The following PRTFDC1 variants were observed in gnomAD, a reference collection of about 807,000 sequenced individuals.
PRTFDC1 encodes phosphoribosyl transferase domain containing 1.
Under a neutral mutation model 34.6 loss-of-function variants are expected in PRTFDC1, and 38 were observed. The observed-to-expected ratio is 1.10, with a 90% CI of 0.85 to 1.44. PRTFDC1 has a LOEUF of 1.44. Among genes scored for constraint, PRTFDC1 ranks in the 40% most tolerant of loss-of-function variants. The pLI is 0.00. For synonymous variants in PRTFDC1, 93 were observed against 98.1 expected, an observed-to-expected ratio of 0.95 and a Z score of 0.31; for missense variants, 270 against 283.0, an observed-to-expected ratio of 0.95 and a Z score of 0.33.
In PRTFDC1 at chr10:24,912,268, CAAAAAAAAAAAA is replaced by C. The variant is rs58294462; in HGVS notation, c.339+24904_339+24915del. ...TGGGCAACAGAGCAAGACTTCATCT[CAAAAAAAAAAAA>C]AAAAAAAAAAAAAAAGAAAGAAATT... On this transcript the variant is annotated intron_variant, in intron 3 of 8. Transcript: ENST00000320152. 4.1e-4 allele frequency among the ~76,000 whole-genome samples: 22 copies of C among 53,946 alleles called. No individual in the cohort carries two copies. The East Asian group carries it at 9.2e-3, about 23-fold the overall frequency. The allele number at this position is 53,946 out of a possible 152,430, so 35.4% of individuals were successfully genotyped here.
At position 24,849,626 on chromosome 10, in the gene PRTFDC1, T is replaced by A. The variant is rs1167825680; in HGVS notation, c.*218A>T. 2.0e-6 allele frequency: 1 copy of A among 505,602 alleles called. No individual in the cohort carries two copies. Among genetic ancestry groups the A allele is most frequent in the Non-Finnish European group, 3.5e-6 (1 of 284,004 alleles). 31.3% of individuals were successfully genotyped at this position (505,602 alleles called of 1,614,324 possible). ...TGAGTCACAAGGCGGAGTGTTTAAT[T>A]TGGAACAAGTCAAATAAAAGCACTG... On this transcript the variant is annotated 3_prime_UTR_variant, in exon 9 of 9. Transcript: ENST00000320152.
rs1418561894 is a variant in PRTFDC1, at chr10:24,849,810, C to T, written c.*34G>A. The T allele has an allele frequency of 1.9e-6, 3 of 1,607,316 alleles. No individual in the cohort carries two copies. The highest frequency in any genetic ancestry group is 2.6e-6 in the Non-Finnish European group (3 of 1,174,102). On this transcript the variant is annotated 3_prime_UTR_variant, in exon 9 of 9. Coordinates refer to ENST00000320152, the MANE Select transcript of PRTFDC1 (RefSeq NM_020200.7). ...CCCAAGTACAGGCGTAAATATGATGCTATCTGGGACTTTAGTGGTGAGAAT... is the reference window on the plus strand; with the variant it reads ...CCCAAGTACAGGCGTAAATATGATGTTATCTGGGACTTTAGTGGTGAGAAT...
chr10:24,914,130 T>G (rs1270082795), intron 3 of PRTFDC1, among the ~76,000 whole-genome samples: 1 of 152,154 alleles, frequency 6.6e-6, no homozygotes, highest in African/African-American at 2.4e-5. Context: ...TAATAAATCA[T>G]AGAACCAAGA....
chr10:24,915,908 C>T (rs978503923), intron 3 of PRTFDC1, among the ~76,000 whole-genome samples: 7 of 152,176 alleles, frequency 4.6e-5, no homozygotes, highest in African/African-American at 1.2e-4. Context: ...ACATTGACCA[C>T]GTTTAAACAA....
chr10:24,893,272 T>TC (rs1555048500), intron 3 of PRTFDC1, among the ~76,000 whole-genome samples: 1 of 91,418 alleles, frequency 1.1e-5, no homozygotes, highest in Non-Finnish European at 2.3e-5. Flanking sequence ...CTCTCTCTCT[T>TC]TCTCTCTCTC....
chr10:24,898,917 A>G (rs999983195), intron 3 of PRTFDC1, among the ~76,000 whole-genome samples: 10 of 152,092 alleles, frequency 6.6e-5, no homozygotes, highest in African/African-American at 2.4e-4. Flanking sequence ...TCTTTCCCTT[A>G]TAAAAGAGTC....
At chr10:24,860,415 AC>A (rs1212065708) in intron 4 of PRTFDC1, among the ~76,000 whole-genome samples, 2 of 152,090 alleles carry the variant, frequency 1.3e-5, no homozygotes, top group Non-Finnish European at 2.9e-5. Context: ...CAAATACTAC[AC>A]ATTCGATAAC....
At chr10:24,911,918 A>C (rs1175942790) in intron 3 of PRTFDC1, among the ~76,000 whole-genome samples, 1 of 152,012 alleles carries the variant, frequency 6.6e-6, no homozygotes, top group African/African-American at 2.4e-5. Context: ...TTTCATTTGG[A>C]TAAATACATA....
chr10:24,862,669 G>GA (rs1847701234), intron 4 of PRTFDC1, among the ~76,000 whole-genome samples: 2 of 150,766 alleles, frequency 1.3e-5, no homozygotes, highest in African/African-American at 4.9e-5. Context: ...AGAGACTGTG[G>GA]TTTTTTTTTG....
intron 1 of PRTFDC1, among the ~76,000 whole-genome samples, chr10:24,944,212 A>C (rs2132618217): frequency 6.6e-6 from 1 of 152,252 alleles, no homozygotes; most frequent in African/African-American, 2.4e-5. Flanking sequence ...GTCTTACCCA[A>C]GGCTCCCATG....
intron 1 of PRTFDC1, among the ~76,000 whole-genome samples, chr10:24,950,119 A>G (rs73606599): frequency 0.047 from 7,144 of 152,120 alleles, 374 homozygotes; most frequent in African/African-American, 0.14. Flanking sequence ...GTTGACACCA[A>G]TAGACTGGGC....
At chr10:24,889,623 C>T (rs1470654278) in intron 3 of PRTFDC1, among the ~76,000 whole-genome samples, 1 of 152,174 alleles carries the variant, frequency 6.6e-6, no homozygotes, top group African/African-American at 2.4e-5. Context: ...GTGTTTTATG[C>T]ATTGTTATTA....
chr10:24,929,471 C>A (rs1409098375), intron 3 of PRTFDC1, among the ~76,000 whole-genome samples: 1 of 152,188 alleles, frequency 6.6e-6, no homozygotes, highest in Non-Finnish European at 1.5e-5. Context: ...TGCCAACATG[C>A]AGGAATTATT....
chr10:24,910,729 G>A (rs2132567699), intron 3 of PRTFDC1, among the ~76,000 whole-genome samples: 1 of 152,166 alleles, frequency 6.6e-6, no homozygotes, highest in Non-Finnish European at 1.5e-5. Flanking sequence ...AATAAAAGCT[G>A]AACTTGAGGC....
intron 3 of PRTFDC1, chr10:24,908,505 A>G: frequency 6.2e-7 from 1 of 1,612,260 alleles, no homozygotes; most frequent in Non-Finnish European, 8.5e-7. Flanking sequence ...TCTCAGACCT[A>G]ATTCTGCTCT....
chr10:24,851,030 C>T (rs1847477563), intron 8 of PRTFDC1, among the ~76,000 whole-genome samples: 1 of 152,122 alleles, frequency 6.6e-6, no homozygotes, highest in African/African-American at 2.4e-5. Context: ...TAATTGAAAC[C>T]TGCTAGAGTT....
chr10:24,932,779 A>G (rs1468422887), intron 3 of PRTFDC1, among the ~76,000 whole-genome samples: 1 of 152,124 alleles, frequency 6.6e-6, no homozygotes, highest in African/African-American at 2.4e-5. Context: ...AATCAGCTAC[A>G]TGATATTAAA....
intron 3 of PRTFDC1, among the ~76,000 whole-genome samples, chr10:24,872,724 A>G (rs201490765): frequency 5.5e-4 from 23 of 41,668 alleles, no homozygotes; most frequent in African/African-American, 2.4e-3. Context: ...ATAATACACA[A>G]AATATATATA....
At chr10:24,886,956 C>CTTTTTTTTTTTTTTTT (rs57910963) in intron 3 of PRTFDC1, among the ~76,000 whole-genome samples, 4 of 86,406 alleles carry the variant, frequency 4.6e-5, no homozygotes, top group African/African-American at 2.0e-4. Context: ...AATACTCCTT[C>CTTTTTTTTTTTTTTTT]TTTTTTTTTT....
Sources: gnomAD v4.1 joint callset for allele counts (sites outside exome capture counted in the v4.1 genomes callset) on GRCh38, gnomAD v4.1.1 for gene constraint, MANE v1.5 for transcripts, NCBI Gene and HGNC (gene_info 2026-07-23, HGNC 2026-07-21) for gene names.